The following TNIK variants were observed in gnomAD, a reference collection of about 807,000 sequenced individuals.
The protein encoded by TNIK is TRAF2 and NCK-interacting protein kinase.
In TNIK, 49 loss-of-function variants were observed where a neutral mutation model predicts 191.3. That is an observed-to-expected ratio of 0.26 (90% CI 0.20 to 0.32). TNIK has a LOEUF of 0.32. Among genes scored for constraint, TNIK ranks in the 10% least tolerant of loss-of-function variants. The pLI is 1.00. For synonymous variants in TNIK, 594 were observed against 600.9 expected (o/e 0.99, Z 0.17); for missense variants, 1,155 against 1,702.3 (o/e 0.68, Z 5.66).
At chr3:171,446,244 A>G (rs1727476168) in intron 1 of TNIK, among the ~76,000 whole-genome samples, 1 of 152,248 alleles carries the variant, frequency 6.6e-6, no homozygotes, top group South Asian at 2.1e-4. Flanking sequence ...GTTTGCAAGT[A>G]CTTTGAAGAT....
intron 2 of TNIK, among the ~76,000 whole-genome samples, chr3:171,232,700 G>A (rs1464100351): frequency 2.0e-5 from 3 of 152,110 alleles, no homozygotes; most frequent in Non-Finnish European, 2.9e-5. Context: ...TTGGGGTCAC[G>A]GCTCAGCCTG....
intron 2 of TNIK, chr3:171,346,916 T>C (rs1712292857): frequency 2.3e-6 from 1 of 434,798 alleles, no homozygotes; most frequent in Admixed American, 4.0e-5. Context: ...TCAAAAGGTT[T>C]TAAACAGGAG....
chr3:171,132,819 G>T (rs1017717291), intron 15 of TNIK, among the ~76,000 whole-genome samples: 3 of 152,194 alleles, frequency 2.0e-5, no homozygotes, highest in African/African-American at 4.8e-5. Context: ...AGTCCACGGG[G>T]TTTAGGAAGG....
At chr3:171,205,280 G>A (rs1739915770) in intron 4 of TNIK, among the ~76,000 whole-genome samples, 1 of 152,172 alleles carries the variant, frequency 6.6e-6, no homozygotes, top group Admixed American at 6.5e-5. Flanking sequence ...GAAAAGAAAT[G>A]ACGCTCTTGC....
chr3:171,110,949 A>C (rs1560128101), intron 18 of TNIK, 72 bp from the exon 19 acceptor site: 6 of 1,430,198 alleles, frequency 4.2e-6, no homozygotes, highest in Non-Finnish European at 3.7e-6. Context: ...ATATCTGATA[A>C]GGTTTAATAC....
chr3:171,354,273 A>AT (rs540997797), intron 2 of TNIK, among the ~76,000 whole-genome samples: 212 of 152,064 alleles, frequency 1.4e-3, no homozygotes, highest in Middle Eastern at 6.8e-3. Flanking sequence ...TAAAAAGGGG[A>AT]TTTTCTCCCC....
chr3:171,124,236 G>A lies in TNIK; in HGVS notation c.2014-534C>T, dbSNP rs541312647. Among the ~76,000 whole-genome samples, 112 of 152,304 alleles carry A rather than the reference G, an allele frequency of 7.4e-4. 1 individual carries two copies. The South Asian group carries it at 0.012, about 17-fold the overall frequency. On this transcript the variant is annotated intron_variant, in intron 17 of 32. Transcript: ENST00000436636. Reference sequence around the variant, plus strand: ...TGAGCTCAGAGAACCTACCACAGTAGATCTTGAATGTTTCTACTTTCTAAT... The same window carrying A: ...TGAGCTCAGAGAACCTACCACAGTAAATCTTGAATGTTTCTACTTTCTAAT...
intron 21 of TNIK, among the ~76,000 whole-genome samples, chr3:171,104,135 TA>T (rs1487425567): frequency 3.0e-4 from 46 of 152,170 alleles, no homozygotes; most frequent in African/African-American, 1.1e-3. Context: ...TATGAAAAGG[TA>T]AAAATAATGA....
rs1350450124 is a variant in TNIK at position 171,086,889 on chromosome 3, CTATT to C, written c.2886+449_2886+452del. Among the ~76,000 whole-genome samples the C allele has an allele frequency of 5.9e-5, 9 of 152,328 alleles. No homozygotes were observed. The South Asian group carries it at 8.3e-4, about 14-fold the overall frequency. On this transcript the variant is annotated intron_variant, in intron 24 of 32. Transcript: ENST00000436636. ...AAAGATGAACACTCTAAGAACTTATCTATTTATTAAATTTTATTTTTCATAAACA... is the reference window on the plus strand; with the variant it reads ...AAAGATGAACACTCTAAGAACTTATCTATTAAATTTTATTTTTCATAAACA...
intron 2 of TNIK, among the ~76,000 whole-genome samples, chr3:171,244,022 A>G (rs922386936): frequency 2.6e-5 from 4 of 151,840 alleles, no homozygotes; most frequent in Non-Finnish European, 4.4e-5. Context: ...AAACAATTGA[A>G]GAGGACTGCA....
chr3:171,061,076 C>T lies in TNIK; in HGVS notation c.*2805G>A, dbSNP rs1376768507. The stretch of plus-strand genomic sequence containing the variant: ...GAAAAGCAACCGTTCCTCCCCTACC[C>T]CCAAAAAGAATTAAGGCAATTCAGA... On this transcript the variant is annotated 3_prime_UTR_variant, in exon 33 of 33. Transcript: ENST00000436636. Among the ~76,000 whole-genome samples the T allele has an allele frequency of 2.6e-5, 4 of 151,980 alleles. No individual in the cohort carries two copies. Among genetic ancestry groups the T allele is most frequent in the African/African-American group, 9.7e-5 (4 of 41,384 alleles).
intron 1 of TNIK, among the ~76,000 whole-genome samples, chr3:171,380,601 A>G (rs1717896618): frequency 6.6e-6 from 1 of 152,212 alleles, no homozygotes; most frequent in Non-Finnish European, 1.5e-5. Flanking sequence ...TTTTAGGTAA[A>G]AGGGACCTAA....
At chr3:171,314,850 C>T (rs1754432087) in intron 2 of TNIK, among the ~76,000 whole-genome samples, 1 of 152,142 alleles carries the variant, frequency 6.6e-6, no homozygotes, top group East Asian at 1.9e-4. Flanking sequence ...GGCCGCACCC[C>T]ATACTCATGA....
intron 4 of TNIK, among the ~76,000 whole-genome samples, chr3:171,197,386 T>TAA (rs528483576): frequency 1.4e-5 from 2 of 142,736 alleles, no homozygotes; most frequent in East Asian, 4.0e-4. Context: ...AGCACCAAAA[T>TAA]AAAAAAAAAA....
chr3:171,296,516 T>C (rs553069214), intron 2 of TNIK, among the ~76,000 whole-genome samples: 14 of 152,336 alleles, frequency 9.2e-5, no homozygotes, highest in African/African-American at 3.4e-4. Context: ...ACTTGTCCTC[T>C]TTCCATGGAC....
chr3:171,238,470 T>C (rs1744571749), intron 2 of TNIK, among the ~76,000 whole-genome samples: 1 of 152,098 alleles, frequency 6.6e-6, no homozygotes. Flanking sequence ...ACAGTGGTTT[T>C]CAGCGGGGCA....
At chr3:171,311,784 CA>C (rs1754045224) in intron 2 of TNIK, among the ~76,000 whole-genome samples, 1 of 152,118 alleles carries the variant, frequency 6.6e-6, no homozygotes, top group African/African-American at 2.4e-5. Context: ...CCTTTCTTTA[CA>C]AAGGAATTTA....
intron 1 of TNIK, among the ~76,000 whole-genome samples, chr3:171,423,125 T>C (rs1399021969): frequency 6.6e-6 from 1 of 152,218 alleles, no homozygotes; most frequent in South Asian, 2.1e-4. Context: ...GATAAGCAAC[T>C]TCAGCAAAGT....
chr3:171,276,665 C>G (rs1300878233), intron 2 of TNIK, among the ~76,000 whole-genome samples: 1 of 152,054 alleles, frequency 6.6e-6, no homozygotes, highest in Non-Finnish European at 1.5e-5. Flanking sequence ...AATGAAATAT[C>G]ATGATCTGTA....
Sources: allele counts gnomAD v4.1 joint callset (sites outside exome capture counted in the v4.1 genomes callset), GRCh38; gene constraint gnomAD v4.1.1; transcripts MANE v1.5; gene names NCBI Gene and HGNC (gene_info 2026-07-23, HGNC 2026-07-21).